TRPC5: variants seen among roughly 807,000 people sequenced by gnomAD.
TRPC5 encodes transient receptor potential cation channel subfamily C member 5.
TRPC5 carries 9 observed loss-of-function variants against 56.5 expected under a neutral mutation model. The ratio of observed to expected loss-of-function variants is 0.16; its 90% CI spans 0.10 to 0.28. The LOEUF is 0.28. Ranked by LOEUF, TRPC5 falls within the 10% of genes least tolerant of loss-of-function variation. TRPC5 has a pLI of 1.00. For missense variants in TRPC5, 469 were observed against 748.9 expected, an observed-to-expected ratio of 0.63 and a Z score of 4.36; for synonymous variants, 282 against 278.5, an observed-to-expected ratio of 1.01 and a Z score of -0.13.
chrX:112,009,793 C>G (rs1336004072), intron 1 of TRPC5, among the ~76,000 whole-genome samples: 1 of 110,783 alleles, frequency 9.0e-6, no homozygotes, highest in East Asian at 2.9e-4. Context: ...GGGAATCGAA[C>G]AATGAGAACA....
chrX:111,830,073 G>C (rs1922365087), intron 7 of TRPC5, among the ~76,000 whole-genome samples: 1 of 112,915 alleles, frequency 8.9e-6, no homozygotes. Flanking sequence ...AAGGCAATGG[G>C]AGCCCACCAC....
At chrX:111,890,656 C>T (rs779355228) in intron 3 of TRPC5, among the ~76,000 whole-genome samples, 30 of 111,773 alleles carry the variant, frequency 2.7e-4, no homozygotes, top group African/African-American at 8.8e-4. Context: ...TTAGTCAGAC[C>T]AGGAGTCTGA....
intron 1 of TRPC5, among the ~76,000 whole-genome samples, chrX:111,988,417 T>A (rs1928268410): frequency 9.0e-6 from 1 of 110,867 alleles, no homozygotes; most frequent in Non-Finnish European, 1.9e-5. Flanking sequence ...GTAGCTGATA[T>A]TTAGTCATTT....
chrX:111,972,976 A>G (rs1268269800), intron 1 of TRPC5, among the ~76,000 whole-genome samples: 2 of 110,760 alleles, frequency 1.8e-5, no homozygotes, highest in Non-Finnish European at 3.8e-5. Flanking sequence ...TCTTCTTTCA[A>G]TTTTTCCTCC....
intron 9 of TRPC5, among the ~76,000 whole-genome samples, chrX:111,780,295 T>G (rs912112160): frequency 1.8e-5 from 2 of 111,135 alleles, no homozygotes; most frequent in Admixed American, 9.6e-5. Context: ...TATTACTTTT[T>G]TTTTTTTAAC....
At chrX:111,801,988 T>C (rs780514022) in intron 7 of TRPC5, among the ~76,000 whole-genome samples, 8 of 111,996 alleles carry the variant, frequency 7.1e-5, no homozygotes, top group African/African-American at 2.3e-4. Flanking sequence ...TACTCCTAGG[T>C]TTTCTTCTAA....
intron 1 of TRPC5, among the ~76,000 whole-genome samples, chrX:112,040,593 G>A (rs1190277722): frequency 9.0e-6 from 1 of 111,259 alleles, no homozygotes; most frequent in African/African-American, 3.3e-5. Flanking sequence ...AAGATAATAG[G>A]GAATTACTGA....
chrX:111,843,184 T>C lies in TRPC5; in HGVS notation c.1700+3930A>G, dbSNP rs187738082. Among the ~76,000 whole-genome samples, 178 of 112,821 alleles carry C rather than the reference T, an allele frequency of 1.6e-3. 1 individual carries two copies. The highest frequency in any genetic ancestry group is 5.6e-3 in the African/African-American group (174 of 31,092). ...AAGATAGGATTGCTTTTGGACGTCA[T>C]CTTTGTCTTTTCACTCAATTGTTCA... On this transcript the variant is annotated intron_variant, in intron 6 of 10. Transcript: ENST00000262839.
intron 9 of TRPC5, among the ~76,000 whole-genome samples, chrX:111,779,338 T>G (rs1352502697): frequency 1.8e-5 from 2 of 112,118 alleles, no homozygotes; most frequent in African/African-American, 6.5e-5. Flanking sequence ...AGTGGAATAA[T>G]TCTTGCATGG....
At position 111,789,252 on chromosome X, in the gene TRPC5, A is replaced by G. The variant is rs763682182; in HGVS notation, c.1897-7114T>C. ...ATGGAACAGAACAGAGGCCTCAGAA[A>G]TAACACCACACATCTACAACCATCT... On this transcript the variant is annotated intron_variant, in intron 7 of 10. Transcript: ENST00000262839. 1.5e-4 allele frequency among the ~76,000 whole-genome samples: 17 copies of G among 111,841 alleles called. No homozygotes were observed. In the East Asian group the frequency reaches 4.5e-3, roughly 29 times the overall value.
Position 111,853,790 on chromosome X carries a change from A to G in TRPC5, c.1217T>C (p.Met406Thr). 8.3e-7 allele frequency: 1 copy of G among 1,211,498 alleles called. No homozygotes were observed. The highest frequency in any genetic ancestry group is 1.1e-6 in the Non-Finnish European group (1 of 895,336). The change falls in exon 4 of 11, where the codon ATG becomes ACG. Residue 406 changes from methionine (M) to threonine (T), a missense_variant. This residue lies in a region of TRPC5 where 157 missense variants were observed against 360.0 expected (regional missense o/e 0.44). Coordinates refer to ENST00000262839, the MANE Select transcript of TRPC5 (RefSeq NM_012471.3). ...QGPPPTVVEW[M>T]ILPWVLGFIW... ...CTTACCTAGAACCCAAGGCAATATC[A>G]TCCATTCCACGACAGTTGGGGGAGG...
intron 7 of TRPC5, among the ~76,000 whole-genome samples, chrX:111,794,809 C>T (rs1249155887): frequency 9.0e-6 from 1 of 111,231 alleles, no homozygotes; most frequent in Non-Finnish European, 1.9e-5. Flanking sequence ...AGACTGTGCC[C>T]TTATAATCTT....
At chrX:111,806,933 G>T (rs1289942412) in intron 7 of TRPC5, among the ~76,000 whole-genome samples, 1 of 111,359 alleles carries the variant, frequency 9.0e-6, no homozygotes, top group African/African-American at 3.3e-5. Context: ...CAAGTCTGCT[G>T]CCAGGTGTAT....
chrX:111,916,613 C>G (rs1043402967), intron 2 of TRPC5, among the ~76,000 whole-genome samples: 1 of 111,777 alleles, frequency 8.9e-6, no homozygotes, highest in Admixed American at 9.5e-5. Flanking sequence ...TAGGTGTATA[C>G]GCATAATTTG....
intron 6 of TRPC5, among the ~76,000 whole-genome samples, chrX:111,845,432 C>T (rs1922898501): frequency 9.0e-6 from 1 of 111,454 alleles, no homozygotes; most frequent in Non-Finnish European, 1.9e-5. Context: ...TGACAGGTGC[C>T]CATTCTTTTC....
At chrX:111,806,248 A>T (rs1190447444) in intron 7 of TRPC5, among the ~76,000 whole-genome samples, 2 of 112,149 alleles carry the variant, frequency 1.8e-5, no homozygotes, top group Non-Finnish European at 3.8e-5. Context: ...AACATTTATT[A>T]TCCCAGTTTC....
At chrX:111,869,728 A>G (rs1424032460) in intron 3 of TRPC5, among the ~76,000 whole-genome samples, 2 of 112,165 alleles carry the variant, frequency 1.8e-5, no homozygotes, top group Non-Finnish European at 1.9e-5. Context: ...CAGAATTAAG[A>G]CTAATGCAAT....
intron 1 of TRPC5, among the ~76,000 whole-genome samples, chrX:111,965,569 T>C (rs1927537922): frequency 9.0e-6 from 1 of 111,731 alleles, no homozygotes; most frequent in South Asian, 3.8e-4. Flanking sequence ...ACCACATAGT[T>C]GGAAGTGAAG....
At chrX:111,996,685 A>T (rs1484895246) in intron 1 of TRPC5, among the ~76,000 whole-genome samples, 1 of 111,811 alleles carries the variant, frequency 8.9e-6, no homozygotes, top group Non-Finnish European at 1.9e-5. Flanking sequence ...GTGCATATAT[A>T]TTTAGGATAG....
Sources: gnomAD v4.1 joint callset for allele counts (sites outside exome capture counted in the v4.1 genomes callset) on GRCh38, gnomAD v4.1.1 for gene constraint, gnomAD v4.1.1 regional missense constraint, MANE v1.5 for transcripts, NCBI Gene and HGNC (gene_info 2026-07-23, HGNC 2026-07-21) for gene names.